UGT1A8: variants seen among roughly 807,000 people sequenced by gnomAD.
UGT1A8 encodes UDP glucuronosyltransferase family 1 member A8.
A neutral mutation model predicts 45.3 loss-of-function variants in UGT1A8; 39 were observed. The observed-to-expected ratio is 0.86, with a 90% CI of 0.67 to 1.12. The LOEUF is 1.12. UGT1A8 is among the 50% of genes most tolerant of loss of function. UGT1A8 has a pLI of 0.00. For missense variants in UGT1A8, 719 were observed against 664.9 expected, an observed-to-expected ratio of 1.08 and a Z score of -0.90; for synonymous variants, 275 against 249.2, an observed-to-expected ratio of 1.10 and a Z score of -0.97.
At chr2:233,626,414 C>A (rs1018457433) in intron 1 of UGT1A8, among the ~76,000 whole-genome samples, 3 of 151,958 alleles carry the variant, frequency 2.0e-5, no homozygotes, top group African/African-American at 4.8e-5. Context: ...AGTGTGGTGT[C>A]TATTGACTCT....
At chr2:233,636,699 G>T in intron 1 of UGT1A8, 4 of 1,614,132 alleles carry the variant, frequency 2.5e-6, no homozygotes, top group Non-Finnish European at 3.4e-6. Context: ...TTGTAGTCAT[G>T]CCAGAGGTGA....
intron 1 of UGT1A8, among the ~76,000 whole-genome samples, chr2:233,679,795 T>G (rs1434455413): frequency 6.6e-6 from 1 of 152,176 alleles, no homozygotes; most frequent in Non-Finnish European, 1.5e-5. Flanking sequence ...ATTCTTCACC[T>G]CTCTTTTGCT....
chr2:233,723,612 A>G (rs2077104737), intron 1 of UGT1A8, among the ~76,000 whole-genome samples: 1 of 100,308 alleles, frequency 1.0e-5, no homozygotes, highest in Admixed American at 1.1e-4. Context: ...ACAATAGTGG[A>G]GGGAAGGTCA....
intron 1 of UGT1A8, among the ~76,000 whole-genome samples, chr2:233,643,305 A>G (rs1335095576): frequency 6.6e-6 from 1 of 152,096 alleles, no homozygotes; most frequent in African/African-American, 2.4e-5. Context: ...ATTTGCAAAG[A>G]CAGAGGAGCC....
intron 1 of UGT1A8, among the ~76,000 whole-genome samples, chr2:233,725,209 CAGAGGCAGAGGA>C (rs2077393142): frequency 1.2e-5 from 1 of 85,868 alleles, no homozygotes; most frequent in East Asian, 2.5e-4. Flanking sequence ...GAGGCAGAGG[CAGAGGCAGAGGA>C]GGCAGAGGCA....
chr2:233,759,921 T>C (rs1359496363), intron 1 of UGT1A8, among the ~76,000 whole-genome samples: 1 of 152,198 alleles, frequency 6.6e-6, no homozygotes, highest in African/African-American at 2.4e-5. Context: ...TTCTGTTTAA[T>C]TTCTGGAAAA....
chr2:233,680,011 TTCTC>T (rs892879074), intron 1 of UGT1A8, among the ~76,000 whole-genome samples: 7 of 152,052 alleles, frequency 4.6e-5, no homozygotes, highest in Admixed American at 3.9e-4. Context: ...TTTTCTTTCT[TTCTC>T]TCTCTCTCTT....
At chr2:233,718,205 T>A (rs2076639631) in intron 1 of UGT1A8, among the ~76,000 whole-genome samples, 2 of 152,198 alleles carry the variant, frequency 1.3e-5, no homozygotes, top group Non-Finnish European at 2.9e-5. Flanking sequence ...AGCTTTTTTT[T>A]ATATTGACAG....
Position 233,757,560 on chromosome 2 carries a change from A to ATATATG in UGT1A8, c.856-9473_856-9472insATATGT, listed in dbSNP as rs904896556. On this transcript the variant is annotated intron_variant, in intron 1 of 4. Transcript: ENST00000373450. The stretch of plus-strand genomic sequence containing the variant: ...AATATATATATATATATATATATAT[A>ATATATG]TGTATATATGATATAGCTATAGTCT... 7.5e-3 allele frequency among the ~76,000 whole-genome samples: 922 copies of ATATATG among 123,150 alleles called. 38 individuals are homozygous for ATATATG. The highest frequency in any genetic ancestry group is 0.029 in the African/African-American group (852 of 29,358). 80.8% of individuals were successfully genotyped at this position (123,150 alleles called of 152,430 possible).
chr2:233,619,636 C>A (rs914680355), intron 1 of UGT1A8, among the ~76,000 whole-genome samples: 8 of 151,954 alleles, frequency 5.3e-5, no homozygotes, highest in Non-Finnish European at 1.2e-4. Context: ...ACATTTATTC[C>A]TTGGCATTTT....
At position 233,731,426 on chromosome 2, in the gene UGT1A8, C is replaced by A. The variant is rs575531992; in HGVS notation, c.856-35608C>A. Among the ~76,000 whole-genome samples, 3 of 152,128 alleles carry A rather than the reference C, an allele frequency of 2.0e-5. No homozygotes were observed. The South Asian group carries it at 6.2e-4, about 32-fold the overall frequency. On this transcript the variant is annotated intron_variant, in intron 1 of 4. Coordinates refer to ENST00000373450, the MANE Select transcript of UGT1A8 (RefSeq NM_019076.5). ...CATTAGGTATTTTTCCTAATGCCATCCCTCCCCCAGTCCCCCACCCCACAA... is the reference window on the plus strand; with the variant it reads ...CATTAGGTATTTTTCCTAATGCCATACCTCCCCCAGTCCCCCACCCCACAA...
chr2:233,719,372 C>T lies in UGT1A8; in HGVS notation c.856-47662C>T, dbSNP rs374656877. 246 of 1,613,844 alleles carry T rather than the reference C, an allele frequency of 1.5e-4. No individual in the cohort carries two copies. In the Middle Eastern group the frequency reaches 2.5e-3, roughly 16 times the overall value. ...TTCCATGTGACTTAGACTTTAAGGG[C>T]ACACAGTGTCCAAATCCTTCCTCCT... is the stretch of plus-strand genomic sequence containing the variant. On this transcript the variant is annotated intron_variant, in intron 1 of 4. Coordinates refer to ENST00000373450, the MANE Select transcript of UGT1A8 (RefSeq NM_019076.5).
intron 1 of UGT1A8, chr2:233,682,168 C>T (rs1575428298): frequency 6.2e-7 from 1 of 1,614,202 alleles, no homozygotes; most frequent in Non-Finnish European, 8.5e-7. Context: ...TGAAGACTTA[C>T]TCAACCTCAT....
chr2:233,767,305 G>GT (rs1444114295), intron 2 of UGT1A8, 140 bp downstream of exon 2: 37 of 1,518,952 alleles, frequency 2.4e-5, no homozygotes, highest in Admixed American at 1.8e-4. Flanking sequence ...TAATCCAAAG[G>GT]TTTTTTTTGT....
intron 1 of UGT1A8, among the ~76,000 whole-genome samples, chr2:233,679,172 G>A (rs113314297): frequency 0.049 from 7,417 of 152,238 alleles, 275 homozygotes; most frequent in African/African-American, 0.097. Flanking sequence ...GAAGCACGTA[G>A]ACCATTTTGA....
chr2:233,672,461 A>G (rs1188660945), intron 1 of UGT1A8: 2 of 1,613,944 alleles, frequency 1.2e-6, no homozygotes, highest in Non-Finnish European at 1.7e-6. Context: ...CTTTGCCACT[A>G]TCTTGAAGAA....
chr2:233,656,848 G>A (rs112983713), intron 1 of UGT1A8, among the ~76,000 whole-genome samples: 16 of 152,164 alleles, frequency 1.1e-4, no homozygotes, highest in African/African-American at 2.4e-4. Flanking sequence ...CAGTTTACAC[G>A]TTCCTGGGCA....
At chr2:233,688,707 CAA>C (rs2074910962) in intron 1 of UGT1A8, among the ~76,000 whole-genome samples, 1 of 152,136 alleles carries the variant, frequency 6.6e-6, no homozygotes, top group South Asian at 2.1e-4. Flanking sequence ...CTTCATTGAA[CAA>C]ATATCTGTTG....
chr2:233,762,461 T>G (rs1698085001), intron 1 of UGT1A8, among the ~76,000 whole-genome samples: 1 of 152,214 alleles, frequency 6.6e-6, no homozygotes, highest in African/African-American at 2.4e-5. Flanking sequence ...TTACCGATAA[T>G]GTCATGGATA....
Sources: allele counts gnomAD v4.1 joint callset (sites outside exome capture counted in the v4.1 genomes callset), GRCh38; gene constraint gnomAD v4.1.1; transcripts MANE v1.5; gene names NCBI Gene and HGNC (gene_info 2026-07-23, HGNC 2026-07-21).